Variants in SLC45A4 observed in about 807,000 individuals in gnomAD.
The protein encoded by SLC45A4 is solute carrier family 45 member 4, also known as polyamine-transporter SLC45A4.
In SLC45A4, 32 loss-of-function variants were observed where a neutral mutation model predicts 63.7. The ratio of observed to expected loss-of-function variants is 0.50; its 90% CI spans 0.38 to 0.67. SLC45A4 has a LOEUF of 0.67. SLC45A4 is among the 30% of genes least tolerant of loss of function. SLC45A4 has a pLI of 0.00. For missense variants in SLC45A4, 1,027 were observed against 1,157.7 expected (o/e 0.89, Z 1.64); for synonymous variants, 535 against 510.0 (o/e 1.05, Z -0.66).
At chr8:141,217,032 T>C (rs1021695405) in intron 6 of SLC45A4, 58 bp downstream of exon 6, 13 of 1,559,572 alleles carry the variant, frequency 8.3e-6, no homozygotes, top group African/African-American at 1.4e-5. Context: ...CTCGTCTGCA[T>C]TTCTAATCAC....
chr8:141,254,458 C>T lies in SLC45A4; in HGVS notation c.-229G>A. 1.5e-6 allele frequency: 1 copy of T among 659,398 alleles called. No homozygotes were observed. Among genetic ancestry groups the T allele is most frequent in the Non-Finnish European group, 2.7e-6 (1 of 365,248 alleles). 40.8% of individuals were successfully genotyped at this position (659,398 alleles called of 1,614,324 possible). A position where few individuals can be genotyped will look rare whatever the true frequency, so the allele number is the denominator to read the frequency against. ...TTTTGGTTGGATTTTAAACATATGG[C>T]TTGCTGGTTTACTGTGAATTAGAGT... On this transcript the variant is annotated 5_prime_UTR_variant, in exon 2 of 9. Transcript: ENST00000517878. This position sits in a 1 kb window ranked among gnomAD's most constrained non-coding sequence, Gnocchi z 4.5.
Position 141,217,137 on chromosome 8 carries a change from C to T in SLC45A4, c.1682G>A (p.Gly561Asp), listed in dbSNP as rs1826203554. The T allele has an allele frequency of 6.2e-7, 1 of 1,613,914 alleles. No homozygotes were observed. Among genetic ancestry groups the T allele is most frequent in the Admixed American group, 1.7e-5 (1 of 60,012 alleles). ...WQAYNAGVKM[G>D]CWGLVIYAAT... ...GGCATAAATGACCAGGCCCCAGCAGCCCATCTTGACCCCGGCGTTGTAGGC... is the reference window on the plus strand; with the variant it reads ...GGCATAAATGACCAGGCCCCAGCAGTCCATCTTGACCCCGGCGTTGTAGGC... The change falls in exon 6 of 9, where the codon GGC (glycine) becomes GAC (aspartate). Residue 561 changes from glycine to aspartate, a missense_variant. Physicochemically the swap from Gly to Asp is moderately conservative, Grantham distance 94 (BLOSUM62 -1). Transcript: ENST00000517878.
intron 1 of SLC45A4, among the ~76,000 whole-genome samples, chr8:141,257,236 T>G (rs145451932): frequency 1.9e-4 from 29 of 152,382 alleles, no homozygotes; most frequent in Admixed American, 5.2e-4. Context: ...CTGCTATTCT[T>G]GTTCCGCCCC....
Position 141,271,867 on chromosome 8 carries a change from TCACA to T in SLC45A4, c.-400-17242_-400-17239del, listed in dbSNP as rs1399429746. On this transcript the variant is annotated intron_variant, in intron 1 of 8. Coordinates refer to ENST00000517878, the MANE Select transcript of SLC45A4 (RefSeq NM_001286646.2). ...CCTGTGTACACACACACACACGCAC[TCACA>T]CACGTGCATGCAACACACACCTGCG... Among the ~76,000 whole-genome samples, 1,076 of 149,366 alleles carry T rather than the reference TCACA, an allele frequency of 7.2e-3. 15 individuals are homozygous for T. The highest frequency in any genetic ancestry group is 0.026 in the African/African-American group (1,043 of 40,466).
intron 2 of SLC45A4, among the ~76,000 whole-genome samples, chr8:141,246,263 T>TG (rs1269649752): frequency 5.9e-5 from 9 of 152,198 alleles, no homozygotes; most frequent in South Asian, 4.1e-4. Context: ...ACTGGTTTCC[T>TG]GCTGCTGCGT....
At chr8:141,219,231 T>C (rs1358769976) in intron 4 of SLC45A4, among the ~76,000 whole-genome samples, 3 of 152,254 alleles carry the variant, frequency 2.0e-5, no homozygotes, top group African/African-American at 7.2e-5. Context: ...CCGACAGAAC[T>C]GCCCCTTGAT....
chr8:141,228,719 A>G (rs1827178638), intron 2 of SLC45A4: 2 of 723,916 alleles, frequency 2.8e-6, no homozygotes, highest in Non-Finnish European at 3.4e-6. Flanking sequence ...AGAGCACAAA[A>G]TGCAGGTCAG....
chr8:141,246,259 T>G (rs1016096410), intron 2 of SLC45A4, among the ~76,000 whole-genome samples: 11 of 152,152 alleles, frequency 7.2e-5, no homozygotes, highest in African/African-American at 2.7e-4. Context: ...GTGTACTGGT[T>G]TCCTGCTGCT....
intron 1 of SLC45A4, among the ~76,000 whole-genome samples, chr8:141,300,008 C>T (rs542475451): frequency 1.3e-5 from 2 of 152,290 alleles, no homozygotes; most frequent in East Asian, 3.9e-4. Context: ...AGAACACGAC[C>T]GTGGAACTGC....
At chr8:141,243,805 C>T (rs754291942) in intron 2 of SLC45A4, among the ~76,000 whole-genome samples, 3 of 151,980 alleles carry the variant, frequency 2.0e-5, no homozygotes, top group South Asian at 2.1e-4. Flanking sequence ...GCCTTTATGA[C>T]GGTCCACTTC....
In SLC45A4 at chr8:141,207,703, T is replaced by G. The variant is rs1825591339; in HGVS notation, c.*3869A>C. On this transcript the variant is annotated 3_prime_UTR_variant, in exon 9 of 9. Transcript: ENST00000517878. ...CAGAGCGACGTGCCCCTGGCAGCAC[T>G]GTGGAGGGCAAGGGATGCCGCTAGG... The G allele has an allele frequency of 6.6e-6, 1 of 152,244 alleles. No individual in the cohort carries two copies. The highest frequency in any genetic ancestry group is 1.5e-5 in the Non-Finnish European group (1 of 68,054). 9.4% of individuals were successfully genotyped at this position (152,244 alleles called of 1,614,324 possible).
intron 1 of SLC45A4, among the ~76,000 whole-genome samples, chr8:141,268,034 G>C (rs1006545657): frequency 2.6e-5 from 4 of 152,134 alleles, no homozygotes; most frequent in Admixed American, 6.5e-5. Context: ...CGCTTTATTC[G>C]TCATTGCCAA....
chr8:141,221,254 A>G (rs1165779012), intron 3 of SLC45A4, among the ~76,000 whole-genome samples: 1 of 152,290 alleles, frequency 6.6e-6, no homozygotes, highest in East Asian at 1.9e-4. Context: ...TTTAACACCA[A>G]GTCGAAGAAA....
chr8:141,207,897 ACACCTCT>A lies in SLC45A4; in HGVS notation c.*3668_*3674del, dbSNP rs1346559567. ...CCTTGTTCAACTCGGAACTGAACTG[ACACCTCT>A]CCCAGGTGGTGAAGGGCAGAACCCC... On this transcript the variant is annotated 3_prime_UTR_variant, in exon 9 of 9. Transcript: ENST00000517878. 6.6e-6 allele frequency: 1 copy of A among 152,234 alleles called. No homozygotes were observed. The highest frequency in any genetic ancestry group is 1.5e-5 in the Non-Finnish European group (1 of 68,080). The allele number at this position is 152,234 out of a possible 1,614,324, so 9.4% of individuals were successfully genotyped here.
chr8:141,264,257 C>T (rs974079510), intron 1 of SLC45A4, among the ~76,000 whole-genome samples: 9 of 152,260 alleles, frequency 5.9e-5, no homozygotes, highest in African/African-American at 1.7e-4. Flanking sequence ...TTGCATCTCC[C>T]GGTGGCCCTC....
At chr8:141,280,416 G>C (rs544306733) in intron 1 of SLC45A4, among the ~76,000 whole-genome samples, 40 of 152,252 alleles carry the variant, frequency 2.6e-4, no homozygotes, top group Non-Finnish European at 5.1e-4. Context: ...GAACAAAGGA[G>C]CATTCAAGCT....
intron 1 of SLC45A4, among the ~76,000 whole-genome samples, chr8:141,282,871 G>T (rs1004276530): frequency 9.9e-5 from 15 of 152,252 alleles, no homozygotes; most frequent in African/African-American, 3.4e-4. Context: ...CCAGAAGTGG[G>T]GCTGGCTGGC....
chr8:141,281,907 C>T (rs759813256), intron 1 of SLC45A4, among the ~76,000 whole-genome samples: 40 of 152,154 alleles, frequency 2.6e-4, no homozygotes, highest in Non-Finnish European at 5.7e-4. Flanking sequence ...GCCTGGCCCC[C>T]GTCCGGAGCT....
chr8:141,297,010 T>G (rs533161725), intron 1 of SLC45A4, among the ~76,000 whole-genome samples: 112 of 152,242 alleles, frequency 7.4e-4, no homozygotes, highest in African/African-American at 1.6e-3. Flanking sequence ...GAAATCTTTG[T>G]TGTTGCAAAG....
Sources: gnomAD v4.1 joint callset for allele counts (sites outside exome capture counted in the v4.1 genomes callset) on GRCh38, gnomAD v4.1.1 for gene constraint, Gnocchi (gnomAD v3.1) non-coding constraint, MANE v1.5 for transcripts, NCBI Gene and HGNC (gene_info 2026-07-23, HGNC 2026-07-21) for gene names.